SLCO1C1: variants seen among roughly 807,000 people sequenced by gnomAD.
SLCO1C1 encodes solute carrier organic anion transporter family member 1C1.
SLCO1C1 carries 70 observed loss-of-function variants against 76.4 expected under a neutral mutation model. That is an observed-to-expected ratio of 0.92 (90% CI 0.76 to 1.12). The LOEUF is 1.12. Ranked by LOEUF, SLCO1C1 falls within the 50% of genes most tolerant of loss-of-function variation. The probability of loss-of-function intolerance (pLI) is 0.00; values close to 1 mark genes in which losing one functional copy is unlikely to be tolerated. For synonymous variants in SLCO1C1, 306 were observed against 286.1 expected (o/e 1.07, Z -0.70); for missense variants, 912 against 823.8 (o/e 1.11, Z -1.31).
Position 20,753,195 on chromosome 12 carries a change from T to G in SLCO1C1, c.*667T>G, listed in dbSNP as rs1949387254. On this transcript the variant is annotated 3_prime_UTR_variant, in exon 15 of 15. Coordinates refer to ENST00000266509, the MANE Select transcript of SLCO1C1 (RefSeq NM_017435.5). Reference sequence around the variant, plus strand: ...ATAAGTGACTATGGTTGTAAAGTAATAAAATTGATGTTAACATGCCCAATT... The same window carrying G: ...ATAAGTGACTATGGTTGTAAAGTAAGAAAATTGATGTTAACATGCCCAATT... 2 of 152,228 alleles carry G rather than the reference T, an allele frequency of 1.3e-5. No individual in the cohort carries two copies. The highest frequency in any genetic ancestry group is 4.8e-5 in the African/African-American group (2 of 41,464). 9.4% of individuals were successfully genotyped at this position (152,228 alleles called of 1,614,324 possible). A position where few individuals can be genotyped will look rare whatever the true frequency, so the allele number is the denominator to read the frequency against.
intron 3 of SLCO1C1, among the ~76,000 whole-genome samples, chr12:20,702,489 T>C (rs1411638106): frequency 6.6e-6 from 1 of 152,000 alleles, no homozygotes. Context: ...AATCTTTTTT[T>C]AAAACCTGAA....
At chr12:20,734,057 A>G (rs1356147) in intron 10 of SLCO1C1, among the ~76,000 whole-genome samples, 66,966 of 151,994 alleles carry the variant, frequency 0.44, 17,364 homozygotes, top group South Asian at 0.64. Context: ...GTGGCTCAAA[A>G]GCAAACACTC....
chr12:20,748,459 CTATA>C (rs1284536256), intron 13 of SLCO1C1, among the ~76,000 whole-genome samples: 1 of 152,164 alleles, frequency 6.6e-6, no homozygotes, highest in Non-Finnish European at 1.5e-5. Context: ...TAGAGCAAAT[CTATA>C]TATAGACTTG....
chr12:20,742,755 T>C (rs999352205), intron 12 of SLCO1C1, among the ~76,000 whole-genome samples: 2 of 150,926 alleles, frequency 1.3e-5, no homozygotes, highest in Non-Finnish European at 2.9e-5. Context: ...TTAGCCAGGA[T>C]GGTCTTGATC....
At chr12:20,711,586 G>A (rs528277949) in intron 5 of SLCO1C1, 76 bp downstream of exon 5, 14 of 1,497,472 alleles carry the variant, frequency 9.3e-6, no homozygotes, top group Non-Finnish European at 1.2e-5. Flanking sequence ...ATGGACAAAA[G>A]TGTCTATGAT....
chr12:20,713,393 G>C (rs920729603), intron 5 of SLCO1C1, among the ~76,000 whole-genome samples: 2 of 152,090 alleles, frequency 1.3e-5, no homozygotes, highest in Admixed American at 6.6e-5. Context: ...GTTTTCTTTT[G>C]ACAGCACAAC....
At chr12:20,715,081 A>G in intron 5 of SLCO1C1, 58 bp from the exon 6 acceptor site, 2 of 1,598,896 alleles carry the variant, frequency 1.3e-6, no homozygotes, top group Non-Finnish European at 1.7e-6. Context: ...AATGCAGAAT[A>G]AATACTTAAC....
chr12:20,720,510 G>A (rs1947610616), intron 7 of SLCO1C1, among the ~76,000 whole-genome samples: 1 of 152,178 alleles, frequency 6.6e-6, no homozygotes, highest in South Asian at 2.1e-4. Context: ...AAGAGCATTT[G>A]CAATTCATAG....
intron 5 of SLCO1C1, among the ~76,000 whole-genome samples, chr12:20,713,926 G>A (rs1210000519): frequency 6.6e-6 from 1 of 152,196 alleles, no homozygotes; most frequent in Non-Finnish European, 1.5e-5. Context: ...CTACCAACAA[G>A]CTTCTTAAAA....
intron 13 of SLCO1C1, 115 bp downstream of exon 13, chr12:20,743,484 T>TC: frequency 1.4e-6 from 1 of 698,646 alleles, no homozygotes. Context: ...GTGGCAAAGT[T>TC]CATAGTCTTT....
At chr12:20,731,292 AT>A in intron 9 of SLCO1C1, among the ~76,000 whole-genome samples, 1 of 152,104 alleles carries the variant, frequency 6.6e-6, no homozygotes, top group Non-Finnish European at 1.5e-5. Flanking sequence ...CACAATATAT[AT>A]TTTTTAAATA....
intron 11 of SLCO1C1, among the ~76,000 whole-genome samples, chr12:20,739,147 T>C (rs886639276): frequency 2.6e-5 from 4 of 152,244 alleles, no homozygotes; most frequent in African/African-American, 9.6e-5. Context: ...CTGTAAATTA[T>C]GTCATATCCT....
chr12:20,710,319 T>C (rs926122112), intron 4 of SLCO1C1, among the ~76,000 whole-genome samples: 22 of 149,848 alleles, frequency 1.5e-4, no homozygotes, highest in Non-Finnish European at 2.8e-4. Flanking sequence ...GCCATTCTCC[T>C]GCCTCAGCCT....
At chr12:20,731,204 G>A (rs987338665) in intron 9 of SLCO1C1, among the ~76,000 whole-genome samples, 3 of 152,144 alleles carry the variant, frequency 2.0e-5, no homozygotes, top group Non-Finnish European at 4.4e-5. Flanking sequence ...CTGAAGTTAT[G>A]CAAACCACCC....
At position 20,752,497 on chromosome 12, in the gene SLCO1C1, A is replaced by G. The variant is rs1949360413; in HGVS notation, c.2108A>G (p.Asn703Ser). 2 of 1,598,948 alleles carry G rather than the reference A, an allele frequency of 1.3e-6. No individual in the cohort carries two copies. The highest frequency in any genetic ancestry group is 1.7e-4 in the Middle Eastern group (1 of 6,008). ...ACAAGTGATCATCTGCTACAACCCA[A>G]CTACTGGCCAGGCAAGGAAACTCAA... The part of the protein sequence containing the change: ...YTTSDHLLQP[N>S]YWPGKETQL Residue 703 changes from asparagine (N) to serine (S), a missense_variant, in exon 15 of 15, where the codon AAC (asparagine) becomes AGC (serine). Transcript: ENST00000266509.
intron 4 of SLCO1C1, among the ~76,000 whole-genome samples, chr12:20,706,685 T>G (rs1946794894): frequency 1.3e-5 from 2 of 152,292 alleles, no homozygotes; most frequent in Non-Finnish European, 1.5e-5. Flanking sequence ...GAACATAGTT[T>G]ATCTTTTTTA....
At chr12:20,728,378 C>A (rs1212029788) in intron 9 of SLCO1C1, among the ~76,000 whole-genome samples, 1 of 151,986 alleles carries the variant, frequency 6.6e-6, no homozygotes, top group Non-Finnish European at 1.5e-5. Context: ...AAGTTACATA[C>A]AAATGATCTT....
intron 6 of SLCO1C1, among the ~76,000 whole-genome samples, chr12:20,716,834 A>C (rs1167260799): frequency 3.3e-5 from 5 of 152,246 alleles, no homozygotes; most frequent in African/African-American, 1.2e-4. Flanking sequence ...TCAATGAGGA[A>C]TCTAATCCTA....
At chr12:20,717,004 C>G in intron 6 of SLCO1C1, 128 bp from the exon 7 acceptor site, 2 of 732,936 alleles carry the variant, frequency 2.7e-6, no homozygotes, top group South Asian at 1.8e-5. Context: ...GTTAACTAAA[C>G]ACATGCAAAT....
Sources: allele counts gnomAD v4.1 joint callset (sites outside exome capture counted in the v4.1 genomes callset), GRCh38; gene constraint gnomAD v4.1.1; transcripts MANE v1.5; gene names NCBI Gene and HGNC (gene_info 2026-07-23, HGNC 2026-07-21).